RBFOX3: variants seen among roughly 807,000 people sequenced by gnomAD.
The protein encoded by RBFOX3 is RNA binding protein fox-1 homolog 3.
A neutral mutation model predicts 48.7 loss-of-function variants in RBFOX3; 17 were observed. That is an observed-to-expected ratio of 0.35 (90% confidence interval 0.24 to 0.52). The LOEUF (loss-of-function observed/expected upper bound fraction) is 0.52, where lower values mean the gene tolerates loss of function less well. Among genes scored for constraint, RBFOX3 ranks in the 20% least tolerant of loss-of-function variants. RBFOX3 has a pLI of 0.94. For synonymous variants in RBFOX3, 212 were observed against 209.5 expected, an observed-to-expected ratio of 1.01 and a Z score of -0.10; for missense variants, 382 against 497.5, an observed-to-expected ratio of 0.77 and a Z score of 2.21.
chr17:79,594,693 G>A (rs990225040), intron 1 of RBFOX3, among the ~76,000 whole-genome samples: 11 of 152,368 alleles, frequency 7.2e-5, no homozygotes, highest in African/African-American at 2.4e-4. Context: ...TCAATGTGAC[G>A]TCTAACATAA....
At chr17:79,275,567 T>C (rs1291739631) in intron 3 of RBFOX3, among the ~76,000 whole-genome samples, 4 of 152,176 alleles carry the variant, frequency 2.6e-5, no homozygotes, top group African/African-American at 7.2e-5. Flanking sequence ...AGTGAAGGAA[T>C]GGGTGAGGGC....
At chr17:79,098,097 C>T (rs374485471) in intron 9 of RBFOX3, 108 of 276,034 alleles carry the variant, frequency 3.9e-4, no homozygotes, top group Middle Eastern at 1.3e-3. Flanking sequence ...TGTTATCTAC[C>T]CCCCTGAGCA....
At chr17:79,613,197 A>G (rs1233811979), upstream of RBFOX3, among the ~76,000 whole-genome samples, 1 of 152,194 alleles carries the variant, frequency 6.6e-6, no homozygotes, top group Non-Finnish European at 1.5e-5. Flanking sequence ...ATCTTGTTCC[A>G]AGTTCCACCA....
At chr17:79,588,425 G>A (rs2093318809) in intron 1 of RBFOX3, among the ~76,000 whole-genome samples, 1 of 152,078 alleles carries the variant, frequency 6.6e-6, no homozygotes, top group Non-Finnish European at 1.5e-5. Context: ...TCCTCCTCCT[G>A]CCACTCCAGG....
intron 2 of RBFOX3, among the ~76,000 whole-genome samples, chr17:79,339,674 A>T (rs2081752626): frequency 6.6e-6 from 1 of 152,208 alleles, no homozygotes; most frequent in African/African-American, 2.4e-5. Flanking sequence ...CCCTGCTGAG[A>T]GAAGAGCTGT....
chr17:79,578,480 A>G (rs1960380599), intron 1 of RBFOX3, among the ~76,000 whole-genome samples: 1 of 152,248 alleles, frequency 6.6e-6, no homozygotes, highest in African/African-American at 2.4e-5. Flanking sequence ...GTATGCACAC[A>G]GTACCCACTC....
At chr17:79,410,540 T>A (rs1226009582) in intron 2 of RBFOX3, among the ~76,000 whole-genome samples, 2 of 152,072 alleles carry the variant, frequency 1.3e-5, no homozygotes, top group African/African-American at 4.8e-5. Flanking sequence ...CTCCAGCTGG[T>A]CGCAGAACAG....
At chr17:79,271,983 C>T (rs779877708) in intron 3 of RBFOX3, among the ~76,000 whole-genome samples, 11 of 152,344 alleles carry the variant, frequency 7.2e-5, no homozygotes, top group East Asian at 5.8e-4. Flanking sequence ...GCCCTTCCCG[C>T]GGAATATATG....
At chr17:79,240,263 G>A (rs896876134) in intron 3 of RBFOX3, among the ~76,000 whole-genome samples, 11 of 152,176 alleles carry the variant, frequency 7.2e-5, no homozygotes, top group Non-Finnish European at 1.0e-4. Flanking sequence ...AAAACTCATC[G>A]TTAGTGGATC....
In RBFOX3 at chr17:79,570,212, A is replaced by G. The variant is rs1039090676; in HGVS notation, c.-320+40614T>C. Among the ~76,000 whole-genome samples, 1,414 of 151,046 alleles carry G rather than the reference A, an allele frequency of 9.4e-3. 40 individuals carry two copies. The highest frequency in any genetic ancestry group is 0.033 in the African/African-American group (1,341 of 41,044). On this transcript the variant is annotated intron_variant, in intron 1 of 14. Transcript: ENST00000693108. ...TTATAGATGGATAGTAGATGGATGG[A>G]TGGATAGATGAATTATAGATGGATG...
intron 10 of RBFOX3, 68 bp from the exon 11 acceptor site, chr17:79,097,492 T>A: frequency 8.9e-7 from 1 of 1,127,030 alleles, no homozygotes; most frequent in East Asian, 4.9e-5. Context: ...CCCCTCCCCG[T>A]ACACCTAGCC....
chr17:79,489,793 T>C (rs1276516316), intron 1 of RBFOX3, among the ~76,000 whole-genome samples: 1 of 152,168 alleles, frequency 6.6e-6, no homozygotes, highest in Non-Finnish European at 1.5e-5. Context: ...TCTGCCATCT[T>C]TTCTGGTTAA....
chr17:79,131,614 G>A (rs187547504), intron 4 of RBFOX3, among the ~76,000 whole-genome samples: 14 of 152,298 alleles, frequency 9.2e-5, no homozygotes, highest in Admixed American at 8.5e-4. Context: ...TTTCATGCAC[G>A]GGTATTTTCT....
intron 2 of RBFOX3, among the ~76,000 whole-genome samples, chr17:79,403,906 A>C (rs1050199635): frequency 6.7e-6 from 1 of 149,644 alleles, no homozygotes; most frequent in Non-Finnish European, 1.5e-5. Context: ...CAGCCTCCTG[A>C]GTAGCTGGGA....
At position 79,115,647 on chromosome 17, in the gene RBFOX3, G is replaced by A. The variant is rs1465620099; in HGVS notation, c.69C>T (p.Ala23=). ...CCTGCGTGGGGTGCGGTGGGGGCGG[G>A]GCGTACTCGGCAGGGATGCCGTTCT... ...PPQNGIPAEY[A]PPPPHPTQDY... Residue 23 remains alanine, a synonymous_variant, in exon 5 of 15, where the codon GCC becomes GCT. Coordinates refer to ENST00000693108, the MANE Select transcript of RBFOX3 (RefSeq NM_001350451.2). 7.1e-7 allele frequency: 1 copy of A among 1,408,830 alleles called. No homozygotes were observed. Among genetic ancestry groups the A allele is most frequent in the Non-Finnish European group, 9.3e-7 (1 of 1,074,946 alleles). The allele number at this position is 1,408,830 out of a possible 1,614,324, so 87.3% of individuals were successfully genotyped here.
intron 1 of RBFOX3, among the ~76,000 whole-genome samples, chr17:79,537,336 T>C (rs1181791644): frequency 6.6e-6 from 1 of 152,150 alleles, no homozygotes; most frequent in African/African-American, 2.4e-5. Context: ...TCCCTGTGCA[T>C]CCGTTCTCCT....
intron 2 of RBFOX3, among the ~76,000 whole-genome samples, chr17:79,387,921 T>C (rs111403282): frequency 1.3e-5 from 2 of 152,170 alleles, no homozygotes; most frequent in African/African-American, 2.4e-5. Flanking sequence ...CGAGTGTGCA[T>C]ACATGCGTGT....
At chr17:79,227,283 C>T (rs2060418301) in intron 4 of RBFOX3, among the ~76,000 whole-genome samples, 1 of 152,214 alleles carries the variant, frequency 6.6e-6, no homozygotes, top group African/African-American at 2.4e-5. Flanking sequence ...AGAGAACATC[C>T]ACAGAGGCAG....
chr17:79,590,714 C>G (rs1329854079), intron 1 of RBFOX3, among the ~76,000 whole-genome samples: 1 of 152,166 alleles, frequency 6.6e-6, no homozygotes, highest in Non-Finnish European at 1.5e-5. Flanking sequence ...CAGACCTCTT[C>G]CCCTGCCTTC....
Sources: gnomAD v4.1 joint callset for allele counts (sites outside exome capture counted in the v4.1 genomes callset) on GRCh38, gnomAD v4.1.1 for gene constraint, MANE v1.5 for transcripts, NCBI Gene and HGNC (gene_info 2026-07-23, HGNC 2026-07-21) for gene names.